Variants in TTLL11 observed in about 807,000 individuals in gnomAD.
The protein encoded by TTLL11 is tubulin polyglutamylase TTLL11.
A neutral mutation model predicts 51.7 loss-of-function variants in TTLL11; 42 were observed. The observed-to-expected ratio is 0.81, with a 90% CI of 0.64 to 1.05. TTLL11 has a LOEUF of 1.05. Ranked by LOEUF, TTLL11 falls within the 50% of genes least tolerant of loss-of-function variation. The pLI is 0.00. For missense variants in TTLL11, 799 were observed against 940.4 expected, an observed-to-expected ratio of 0.85 and a Z score of 1.97; for synonymous variants, 381 against 383.5, an observed-to-expected ratio of 0.99 and a Z score of 0.08.
intron 6 of TTLL11, among the ~76,000 whole-genome samples, chr9:121,879,309 C>T (rs75252947): frequency 0.023 from 3,545 of 152,180 alleles, 123 homozygotes; most frequent in African/African-American, 0.079. Context: ...ATTGACTTTC[C>T]GCTCCTCCAC....
intron 4 of TTLL11, among the ~76,000 whole-genome samples, chr9:121,975,541 G>C (rs778223355): frequency 3.3e-5 from 5 of 152,090 alleles, no homozygotes; most frequent in African/African-American, 4.8e-5. Flanking sequence ...GCAAAACATC[G>C]TTTCTACTAA....
intron 6 of TTLL11, among the ~76,000 whole-genome samples, chr9:121,971,583 T>C (rs1298554986): frequency 3.5e-5 from 5 of 141,760 alleles, no homozygotes; most frequent in Non-Finnish European, 7.8e-5. Context: ...CAACAGCTCA[T>C]TGAGAACGGG....
At chr9:121,897,650 G>A (rs935699282) in intron 6 of TTLL11, among the ~76,000 whole-genome samples, 1 of 66,840 alleles carries the variant, frequency 1.5e-5, no homozygotes, top group African/African-American at 5.1e-5. Context: ...ACGCGCGCGC[G>A]AAGTCTCCAA....
rs55715366 is a variant in TTLL11 at position 121,838,781 on chromosome 9, A to AAAGCAAGCAAGCAAGCAAGC, written c.1841-15922_1841-15903dup. 3.4e-3 allele frequency among the ~76,000 whole-genome samples: 480 copies of AAAGCAAGCAAGCAAGCAAGC among 139,998 alleles called. 5 individuals are homozygous for AAAGCAAGCAAGCAAGCAAGC. The highest frequency in any genetic ancestry group is 0.025 in the South Asian group (109 of 4,406). The allele number at this position is 139,998 out of a possible 152,430, so 91.8% of individuals were successfully genotyped here. ...GAGAGAAAGCAAGCAAGCAAGCAAG[A>AAAGCAAGCAAGCAAGCAAGC]AAGCAAGCAAGCAAGCAAGCAAGCA... is the stretch of plus-strand genomic sequence containing the variant. On this transcript the variant is annotated intron_variant, in intron 8 of 8. Transcript: ENST00000321582.
chr9:121,854,197 A>G (rs1185019387), intron 8 of TTLL11, among the ~76,000 whole-genome samples: 1 of 152,158 alleles, frequency 6.6e-6, no homozygotes, highest in Non-Finnish European at 1.5e-5. Flanking sequence ...GGCTTTGGGT[A>G]TATAGCAAGT....
At chr9:122,064,344 A>T (rs1044687884) in intron 1 of TTLL11, among the ~76,000 whole-genome samples, 1 of 152,204 alleles carries the variant, frequency 6.6e-6, no homozygotes, top group African/African-American at 2.4e-5. Context: ...AATGTTAAGA[A>T]TACTGGAAAC....
At chr9:121,910,836 A>G (rs1205171480) in intron 6 of TTLL11, among the ~76,000 whole-genome samples, 1 of 152,214 alleles carries the variant, frequency 6.6e-6, no homozygotes, top group Non-Finnish European at 1.5e-5. Context: ...CAACTTTGCA[A>G]TAACAAAAAG....
Position 121,817,863 on chromosome 9 carries a change from G to T in TTLL11, c.*4724C>A, listed in dbSNP as rs1166716970. The T allele has an allele frequency of 6.6e-6, 1 of 152,278 alleles. No homozygotes were observed. Among genetic ancestry groups the T allele is most frequent in the Admixed American group, 6.5e-5 (1 of 15,288 alleles). The allele number at this position is 152,278 out of a possible 1,614,324, so 9.4% of individuals were successfully genotyped here. A position where few individuals can be genotyped will look rare whatever the true frequency, so the allele number is the denominator to read the frequency against. On this transcript the variant is annotated 3_prime_UTR_variant, in exon 9 of 9. Coordinates refer to ENST00000321582, the MANE Select transcript of TTLL11 (RefSeq NM_001139442.2). ...CCACTTCCCTGCCTGGGAAAACAGA[G>T]TGCCAGTGATCCTCATCCTTGGTGG...
At chr9:121,981,518 T>C (rs1246419098) in intron 4 of TTLL11, among the ~76,000 whole-genome samples, 1 of 152,246 alleles carries the variant, frequency 6.6e-6, no homozygotes, top group Non-Finnish European at 1.5e-5. Context: ...TCATCATTTC[T>C]GATATTTTTG....
At chr9:121,929,057 G>A (rs924974851) in intron 6 of TTLL11, among the ~76,000 whole-genome samples, 3 of 152,144 alleles carry the variant, frequency 2.0e-5, no homozygotes, top group Non-Finnish European at 4.4e-5. Context: ...CGTAGATCAT[G>A]TAGTTTCAGA....
rs1433004397 is a variant in TTLL11 at position 121,899,351 on chromosome 9, G to A, written c.1482-28603C>T. On this transcript the variant is annotated intron_variant, in intron 6 of 8. Transcript: ENST00000321582. Reference sequence around the variant, plus strand: ...ACCTATTAATTCACTCTGTGTGTGTGTGTATGTGTGTGTGTATATATATAT... The same window carrying A: ...ACCTATTAATTCACTCTGTGTGTGTATGTATGTGTGTGTGTATATATATAT... Among the ~76,000 whole-genome samples the A allele has an allele frequency of 5.3e-5, 5 of 94,668 alleles. No individual in the cohort carries two copies. In the East Asian group the frequency reaches 1.2e-3, roughly 22 times the overall value. 62.1% of individuals were successfully genotyped at this position (94,668 alleles called of 152,430 possible). A position where few individuals can be genotyped will look rare whatever the true frequency, so the allele number is the denominator to read the frequency against.
At chr9:121,894,224 G>A (rs1481884442) in intron 6 of TTLL11, among the ~76,000 whole-genome samples, 2 of 152,206 alleles carry the variant, frequency 1.3e-5, no homozygotes, top group Admixed American at 1.3e-4. Context: ...CTTATACCAG[G>A]ATGTAGGAAG....
intron 8 of TTLL11, among the ~76,000 whole-genome samples, chr9:121,839,468 T>A (rs962740598): frequency 6.6e-6 from 1 of 152,192 alleles, no homozygotes; most frequent in African/African-American, 2.4e-5. Context: ...AGTTTCTTTC[T>A]ACCCTGCCCG....
chr9:121,888,028 C>G (rs551633048), intron 6 of TTLL11, among the ~76,000 whole-genome samples: 1 of 152,284 alleles, frequency 6.6e-6, no homozygotes, highest in Admixed American at 6.5e-5. Flanking sequence ...TCTTTGCTCA[C>G]CCGGGTGGGA....
chr9:121,896,803 G>A (rs1369832216), intron 6 of TTLL11, among the ~76,000 whole-genome samples: 2 of 152,206 alleles, frequency 1.3e-5, no homozygotes, highest in Non-Finnish European at 2.9e-5. Context: ...GCTGCGGCTA[G>A]CCTGGGAATG....
chr9:122,092,811 T>C lies in TTLL11; in HGVS notation c.338A>G (p.Lys113Arg), dbSNP rs1359857730. ...GCCGGAACCGTGGCCCGAGCTCCGCTTGCAGCTTCGGCCCTTGTCCCGGGG... is the reference window on the plus strand; with the variant it reads ...GCCGGAACCGTGGCCCGAGCTCCGCCTGCAGCTTCGGCCCTTGTCCCGGGG... ...GKPRDKGRSCKRSSGHGSGEN... is the reference protein window; with the variant it reads ...GKPRDKGRSCRRSSGHGSGEN... The change falls in exon 1 of 9, where the codon AAG becomes AGG. Residue 113 changes from lysine (K) to arginine (R), a missense_variant. By Grantham distance (26) the Lys-to-Arg change is conservative (BLOSUM62 2). Transcript: ENST00000321582. The C allele has an allele frequency of 1.3e-6, 2 of 1,549,502 alleles. No homozygotes were observed. The highest frequency in any genetic ancestry group is 2.4e-5 in the East Asian group (1 of 41,622).
At chr9:121,996,181 C>T (rs1016132712) in intron 3 of TTLL11, among the ~76,000 whole-genome samples, 1 of 152,128 alleles carries the variant, frequency 6.6e-6, no homozygotes, top group Non-Finnish European at 1.5e-5. Flanking sequence ...CACCAATGCA[C>T]CCTGGCAGTC....
At chr9:121,904,715 G>A (rs1277393692) in intron 6 of TTLL11, among the ~76,000 whole-genome samples, 4 of 152,180 alleles carry the variant, frequency 2.6e-5, no homozygotes, top group Non-Finnish European at 2.9e-5. Context: ...GTTCCTGGTC[G>A]GTACCTTGTT....
At chr9:122,042,701 G>A (rs1564371892) in intron 1 of TTLL11, among the ~76,000 whole-genome samples, 1 of 152,198 alleles carries the variant, frequency 6.6e-6, no homozygotes, top group Non-Finnish European at 1.5e-5. Context: ...GAGTCCTTCT[G>A]TAGGTGAGTA....
Sources: gnomAD v4.1 joint callset for allele counts (sites outside exome capture counted in the v4.1 genomes callset) on GRCh38, gnomAD v4.1.1 for gene constraint, MANE v1.5 for transcripts, NCBI Gene and HGNC (gene_info 2026-07-23, HGNC 2026-07-21) for gene names.